Variants in PBX1 observed in about 807,000 individuals in gnomAD.
The protein encoded by PBX1 is pre-B-cell leukemia transcription factor 1.
A neutral mutation model predicts 53.4 loss-of-function variants in PBX1; 6 were observed. That is an observed-to-expected ratio of 0.11 (90% CI 0.06 to 0.22). The LOEUF is 0.22. Ranked by LOEUF, PBX1 falls within the 10% of genes least tolerant of loss-of-function variation. The probability of loss-of-function intolerance (pLI) is 1.00; values close to 1 mark genes in which losing one functional copy is unlikely to be tolerated. For missense variants in PBX1, 251 were observed against 551.4 expected (o/e 0.46, Z 5.46); for synonymous variants, 204 against 212.3 (o/e 0.96, Z 0.34).
chr1:164,638,545 T>C (rs769507285), intron 2 of PBX1, among the ~76,000 whole-genome samples: 2 of 152,190 alleles, frequency 1.3e-5, no homozygotes, highest in African/African-American at 2.4e-5. Context: ...TGTGTGAATA[T>C]AAAGCCACCA....
At chr1:164,626,192 G>A (rs1658029831) in intron 2 of PBX1, 4 of 757,802 alleles carry the variant, frequency 5.3e-6, no homozygotes, top group Non-Finnish European at 6.5e-6. Context: ...TCATGACATG[G>A]GCTGCTGTTG....
At chr1:164,570,705 T>A (rs1235950271) in intron 2 of PBX1, among the ~76,000 whole-genome samples, 2 of 152,218 alleles carry the variant, frequency 1.3e-5, no homozygotes, top group Non-Finnish European at 2.9e-5. Context: ...TGATTTATAA[T>A]CCTTTGTGTA....
At chr1:164,751,660 G>A (rs528247107) in intron 2 of PBX1, among the ~76,000 whole-genome samples, 16 of 142,188 alleles carry the variant, frequency 1.1e-4, no homozygotes, top group South Asian at 2.3e-4. Flanking sequence ...TTGGCTCAAT[G>A]CATCCTCTGC....
chr1:164,617,507 T>C (rs1013534598), intron 2 of PBX1, among the ~76,000 whole-genome samples: 11 of 152,242 alleles, frequency 7.2e-5, no homozygotes, highest in African/African-American at 2.4e-4. Flanking sequence ...AGTGTTTGTA[T>C]GTGAGGAAGC....
intron 2 of PBX1, among the ~76,000 whole-genome samples, chr1:164,615,103 T>G (rs982360806): frequency 1.3e-5 from 2 of 152,230 alleles, no homozygotes; most frequent in Admixed American, 1.3e-4. Flanking sequence ...ATTATTCAAC[T>G]CTTTCCTTAA....
chr1:164,656,998 T>A (rs1383652821), intron 2 of PBX1: 1 of 152,140 alleles, frequency 6.6e-6, no homozygotes, highest in Non-Finnish European at 1.5e-5. Flanking sequence ...CCATATGGAG[T>A]ATTTGACTAA....
At chr1:164,751,723 A>G (rs936654645) in intron 2 of PBX1, among the ~76,000 whole-genome samples, 5 of 151,640 alleles carry the variant, frequency 3.3e-5, no homozygotes, top group African/African-American at 1.2e-4. Flanking sequence ...CTGGGGTTAC[A>G]GGCGCCTGCC....
intron 2 of PBX1, among the ~76,000 whole-genome samples, chr1:164,774,019 AAGGAT>A (rs1478917326): frequency 2.0e-5 from 3 of 152,218 alleles, no homozygotes; most frequent in Non-Finnish European, 4.4e-5. Flanking sequence ...AGTAAGAGAA[AAGGAT>A]AGATGGCAAG....
intron 2 of PBX1, among the ~76,000 whole-genome samples, chr1:164,692,798 G>T (rs969034854): frequency 6.6e-6 from 1 of 152,148 alleles, no homozygotes; most frequent in African/African-American, 2.4e-5. Context: ...ATTTTCTGGA[G>T]CATTAGCTTA....
intron 2 of PBX1, among the ~76,000 whole-genome samples, chr1:164,622,481 T>C (rs1436380818): frequency 1.3e-5 from 2 of 152,198 alleles, no homozygotes; most frequent in African/African-American, 2.4e-5. Context: ...TTGTTCCCTA[T>C]GCCCTCAGCC....
At chr1:164,711,704 C>T (rs1463320192) in intron 2 of PBX1, among the ~76,000 whole-genome samples, 1 of 152,182 alleles carries the variant, frequency 6.6e-6, no homozygotes, top group Non-Finnish European at 1.5e-5. Flanking sequence ...AACACAAAAT[C>T]CCACATGCGT....
At chr1:164,621,002 T>G (rs35146562) in intron 2 of PBX1, among the ~76,000 whole-genome samples, 29,558 of 151,536 alleles carry the variant, frequency 0.2, 3,319 homozygotes, top group Non-Finnish European at 0.26. Flanking sequence ...AATTAATTAA[T>G]TTTTTGAGAT....
At chr1:164,799,109 C>G (rs1381109089) in intron 3 of PBX1, among the ~76,000 whole-genome samples, 1 of 152,044 alleles carries the variant, frequency 6.6e-6, no homozygotes, top group South Asian at 2.1e-4. Flanking sequence ...TACTAGAAGT[C>G]ATATTCTTAC....
chr1:164,647,139 A>G (rs1780358), intron 2 of PBX1, among the ~76,000 whole-genome samples: 46,042 of 152,168 alleles, frequency 0.3, 7,676 homozygotes, highest in Middle Eastern at 0.42. Context: ...CCAGTGGTGC[A>G]GAGAATAGAC....
intron 2 of PBX1, among the ~76,000 whole-genome samples, chr1:164,686,225 T>G (rs895950834): frequency 6.6e-6 from 1 of 152,212 alleles, no homozygotes; most frequent in African/African-American, 2.4e-5. Context: ...CACTGTACTC[T>G]TTTCAGATGA....
intron 2 of PBX1, among the ~76,000 whole-genome samples, chr1:164,744,153 GAC>G (rs1197627160): frequency 6.6e-6 from 1 of 152,124 alleles, no homozygotes; most frequent in East Asian, 1.9e-4. Flanking sequence ...AATATAAGAA[GAC>G]ACAGGCAAAC....
chr1:164,562,454 CA>C (rs1653124782), intron 1 of PBX1, among the ~76,000 whole-genome samples: 1 of 42,620 alleles, frequency 2.3e-5, no homozygotes, highest in African/African-American at 1.2e-4. Context: ...ATTCAGAATA[CA>C]CACACACACA....
intron 2 of PBX1, among the ~76,000 whole-genome samples, chr1:164,679,447 A>C (rs1320323615): frequency 1.3e-5 from 2 of 152,154 alleles, no homozygotes; most frequent in African/African-American, 4.8e-5. Context: ...ATTATGATGC[A>C]GTGGAAAGGC....
chr1:164,846,122 A>G (rs1358250376), intron 8 of PBX1, among the ~76,000 whole-genome samples: 1 of 152,102 alleles, frequency 6.6e-6, no homozygotes, highest in Non-Finnish European at 1.5e-5. Flanking sequence ...AATCCCATAA[A>G]TACATGGGAC....
Sources: allele counts gnomAD v4.1 joint callset (sites outside exome capture counted in the v4.1 genomes callset), GRCh38; gene constraint gnomAD v4.1.1; transcripts MANE v1.5; gene names NCBI Gene and HGNC (gene_info 2026-07-23, HGNC 2026-07-21).